Variants in DPEP1 observed in about 807,000 individuals in gnomAD.
DPEP1 encodes the protein beta-lactamase.
In DPEP1, 50 loss-of-function variants were observed where a neutral mutation model predicts 42.3. The ratio of observed to expected loss-of-function variants is 1.18; its 90% CI spans 0.94 to 1.50. The LOEUF is 1.50. DPEP1 is among the 40% of genes most tolerant of loss of function. The probability of loss-of-function intolerance (pLI) is 0.00; values close to 1 mark genes in which losing one functional copy is unlikely to be tolerated. For missense variants in DPEP1, 663 were observed against 553.0 expected (o/e 1.20, Z -1.99); for synonymous variants, 297 against 234.0 (o/e 1.27, Z -2.46).
In DPEP1 at chr16:89,636,510, C is replaced by T. The variant is rs543944795; in HGVS notation, c.371-23C>T. 6.2e-6 allele frequency: 10 copies of T among 1,609,636 alleles called. No individual in the cohort carries two copies. In the African/African-American group the frequency reaches 1.2e-4, roughly 19 times the overall value. On this transcript the variant is annotated intron_variant, in intron 4 of 10. Coordinates refer to ENST00000690203, the MANE Select transcript of DPEP1 (RefSeq NM_001389466.1). ...CTCCAGATACCAGGTGCCCACTCCC[C>T]TGCACCCTGACTCTCCCCGCAGGCA...
Position 89,636,949 on chromosome 16 carries a change from G to A in DPEP1, c.591+14G>A, listed in dbSNP as rs1274464496. ...CCCTTTGGGCAGGTGAGTGGGGTGG[G>A]AGCGGCCAGTCACCCCCGAGGAGAA... On this transcript the variant is annotated intron_variant, in intron 6 of 10. Coordinates refer to ENST00000690203, the MANE Select transcript of DPEP1 (RefSeq NM_001389466.1). The A allele has an allele frequency of 6.2e-7, 1 of 1,611,834 alleles. No individual in the cohort carries two copies. The highest frequency in any genetic ancestry group is 8.5e-7 in the Non-Finnish European group (1 of 1,179,794).
At position 89,637,272 on chromosome 16, in the gene DPEP1, G is replaced by T. The variant is rs746090340; in HGVS notation, c.660G>T (p.Met220Ile). 2.5e-6 allele frequency: 4 copies of T among 1,612,636 alleles called. No individual in the cohort carries two copies. The change falls in exon 7 of 11, where the codon ATG becomes ATT. Residue 220 changes from methionine (M) to isoleucine (I), a missense_variant. Coordinates refer to ENST00000690203, the MANE Select transcript of DPEP1 (RefSeq NM_001389466.1). ...TGGCTCACGTGTCTGTGGCCACCAT[G>T]AAGGCCACCCTGCAGCTGTCCAGAG... The part of the protein sequence containing the change: ...IDLAHVSVAT[M>I]KATLQLSRAP...
chr16:89,627,425 A>G (rs896990938), intron 1 of DPEP1, among the ~76,000 whole-genome samples: 8 of 151,572 alleles, frequency 5.3e-5, no homozygotes, highest in Non-Finnish European at 1.2e-4. Context: ...TCTACTAAAA[A>G]TACAAAAAAA....
chr16:89,640,919 G>A (rs767788218), downstream of DPEP1, among the ~76,000 whole-genome samples: 1 of 152,192 alleles, frequency 6.6e-6, no homozygotes, highest in African/African-American at 2.4e-5. Flanking sequence ...TATTGGATAC[G>A]AGGCAAAAGG....
chr16:89,623,099 G>T (rs1464554787), intron 1 of DPEP1, among the ~76,000 whole-genome samples: 1 of 151,998 alleles, frequency 6.6e-6, no homozygotes, highest in African/African-American at 2.4e-5. Flanking sequence ...CCAGAGGAAG[G>T]TCAGGAGGCC....
intron 1 of DPEP1, among the ~76,000 whole-genome samples, chr16:89,624,595 C>T (rs747078012): frequency 2.6e-5 from 4 of 151,568 alleles, no homozygotes; most frequent in East Asian, 1.9e-4. Flanking sequence ...AGTGCAGTGG[C>T]GCCATCTCGG....
At chr16:89,641,026 G>A (rs1035357640), downstream of DPEP1, among the ~76,000 whole-genome samples, 17 of 152,192 alleles carry the variant, frequency 1.1e-4, no homozygotes, top group Non-Finnish European at 1.8e-4. Flanking sequence ...TGGCAGCCGA[G>A]GCGGAGAGAG....
chr16:89,641,536 A>G (rs1277360373), downstream of DPEP1, among the ~76,000 whole-genome samples: 1 of 152,132 alleles, frequency 6.6e-6, no homozygotes, highest in African/African-American at 2.4e-5. Context: ...AATGCCACAA[A>G]CTGATGATTA....
intron 1 of DPEP1, among the ~76,000 whole-genome samples, chr16:89,622,783 C>CA (rs60838469): frequency 0.099 from 11,750 of 118,202 alleles, 610 homozygotes; most frequent in East Asian, 0.24. Context: ...GACTCTGTCT[C>CA]AAAAAAAAAA....
intron 1 of DPEP1, among the ~76,000 whole-genome samples, chr16:89,629,990 G>A (rs369298324): frequency 9.2e-5 from 14 of 152,300 alleles, no homozygotes; most frequent in African/African-American, 2.4e-4. Context: ...CTAGGCCCCC[G>A]GGTCCTGAGG....
intron 1 of DPEP1, among the ~76,000 whole-genome samples, chr16:89,628,866 GC>G (rs2059549682): frequency 6.6e-6 from 1 of 151,732 alleles, no homozygotes; most frequent in South Asian, 2.1e-4. Context: ...TTGATCTGTT[GC>G]CCAGGCTGAA....
At position 89,636,576 on chromosome 16, in the gene DPEP1, C is replaced by T. The variant is rs768267824; in HGVS notation, c.414C>T (p.Ile138=). 29 of 1,612,360 alleles carry T rather than the reference C, an allele frequency of 1.8e-5. No homozygotes were observed. Among genetic ancestry groups the T allele is most frequent in the African/African-American group, 1.6e-4 (12 of 74,946 alleles). Residue 138 remains isoleucine (I), a synonymous_variant, in exon 5 of 11, where the codon ATC becomes ATT. Transcript: ENST00000690203. The part of the protein sequence containing the change: ...AFREGKVASL[I]GVEGGHSIDS... ...GGGAAGGGAAGGTGGCCAGCCTGAT[C>T]GGCGTGGAGGGCGGCCACTCCATTG...
intron 1 of DPEP1, among the ~76,000 whole-genome samples, chr16:89,615,895 C>A (rs1241911079): frequency 1.3e-5 from 2 of 152,106 alleles, no homozygotes; most frequent in Non-Finnish European, 2.9e-5. Flanking sequence ...TCTGAGTGTC[C>A]ACCCCTTTCA....
intron 1 of DPEP1, among the ~76,000 whole-genome samples, chr16:89,625,499 C>G (rs565191243): frequency 9.2e-5 from 14 of 152,312 alleles, no homozygotes; most frequent in African/African-American, 3.1e-4. Context: ...CAAACTCTAT[C>G]AGGACTATAA....
At chr16:89,618,307 C>T (rs547429051) in intron 1 of DPEP1, among the ~76,000 whole-genome samples, 3 of 152,288 alleles carry the variant, frequency 2.0e-5, no homozygotes, top group Admixed American at 2.0e-4. Context: ...GCTTAAACCT[C>T]CTGGACTCAA....
downstream of DPEP1, chr16:89,640,524 T>C: frequency 3.1e-6 from 3 of 976,410 alleles, no homozygotes; most frequent in African/African-American, 3.5e-5. Flanking sequence ...CTCTGAAGCC[T>C]CCAGAAGGGA....
rs74033808 is a variant in DPEP1, at chr16:89,624,967, C to T, written c.-106-5338C>T. 4.9e-3 allele frequency among the ~76,000 whole-genome samples: 749 copies of T among 152,294 alleles called. 6 individuals are homozygous for T. Among genetic ancestry groups the T allele is most frequent in the African/African-American group, 0.017 (715 of 41,562 alleles). On this transcript the variant is annotated intron_variant, in intron 1 of 10. Transcript: ENST00000690203. ...GAAAGGGTGGCCCGCAGCCAGTCCA[C>T]AGCACTTTCCTTTCCATCTGGGACA...
chr16:89,614,970 A>G (rs1309384065), intron 1 of DPEP1, among the ~76,000 whole-genome samples: 3 of 151,898 alleles, frequency 2.0e-5, no homozygotes, highest in Non-Finnish European at 4.4e-5. Context: ...CAGCCAAGCT[A>G]TTTTCATGGT....
intron 1 of DPEP1, among the ~76,000 whole-genome samples, chr16:89,629,345 T>A (rs1348857536): frequency 2.0e-5 from 3 of 151,892 alleles, no homozygotes; most frequent in African/African-American, 4.8e-5. Context: ...CTACAAAAAA[T>A]ACAAAAATTA....
Sources: allele counts gnomAD v4.1 joint callset (sites outside exome capture counted in the v4.1 genomes callset), GRCh38; gene constraint gnomAD v4.1.1; transcripts MANE v1.5; gene names NCBI Gene and HGNC (gene_info 2026-07-23, HGNC 2026-07-21).